The following SLCO3A1 variants were observed in gnomAD, a reference collection of about 807,000 sequenced individuals.
SLCO3A1 encodes the protein PGE1 transporter.
In SLCO3A1, 27 loss-of-function variants were observed where a neutral mutation model predicts 63.1. That is an observed-to-expected ratio of 0.43 (90% confidence interval 0.32 to 0.59). The LOEUF is 0.59. Ranked by LOEUF, SLCO3A1 falls within the 20% of genes least tolerant of loss-of-function variation. SLCO3A1 has a pLI of 0.09. For synonymous variants in SLCO3A1, 473 were observed against 409.9 expected (o/e 1.15, Z -1.86); for missense variants, 773 against 945.8 (o/e 0.82, Z 2.40).
In SLCO3A1 at chr15:91,900,560, C is replaced by T. The variant is rs550521441; in HGVS notation, c.181-15433C>T. ...GCCAGGCTTGTCTCAAACTGCTGAC[C>T]TCAGGTGATCCGCCCGCCTTGGCCT... On this transcript the variant is annotated intron_variant, in intron 1 of 9. Transcript: ENST00000318445. The surrounding 1 kb of genome is among the most constrained non-coding windows in gnomAD (Gnocchi z 4.3). 2.0e-5 allele frequency among the ~76,000 whole-genome samples: 3 copies of T among 152,272 alleles called. No homozygotes were observed. The highest frequency in any genetic ancestry group is 3.9e-4 in the East Asian group (2 of 5,184).
chr15:92,032,802 C>T (rs1383809975), intron 2 of SLCO3A1, among the ~76,000 whole-genome samples: 1 of 152,032 alleles, frequency 6.6e-6, no homozygotes, highest in Admixed American at 6.6e-5. Flanking sequence ...GGAAGCAGTA[C>T]TAAAAAGATT....
chr15:91,942,297 G>A lies in SLCO3A1; in HGVS notation c.646+25839G>A, dbSNP rs186404683. On this transcript the variant is annotated intron_variant, in intron 2 of 9. Coordinates refer to ENST00000318445, the MANE Select transcript of SLCO3A1 (RefSeq NM_013272.4). The surrounding 1 kb of genome is among the most constrained non-coding windows in gnomAD (Gnocchi z 4.1). ...TCTGATCTATAGCAGGCATTTCAGA[G>A]CCTCCAGGACTTGATTAGATATTGT... Among the ~76,000 whole-genome samples, 1 of 152,304 alleles carries A rather than the reference G, an allele frequency of 6.6e-6. No homozygotes were observed. Among genetic ancestry groups the A allele is most frequent in the African/African-American group, 2.4e-5 (1 of 41,568 alleles).
At chr15:91,960,200 CTCTCGA>C (rs1160274088) in intron 2 of SLCO3A1, among the ~76,000 whole-genome samples, 1 of 152,076 alleles carries the variant, frequency 6.6e-6, no homozygotes, top group Non-Finnish European at 1.5e-5. Context: ...AGCCAGGATG[CTCTCGA>C]TCTCCTGACC....
chr15:91,877,672 C>T (rs764348718), intron 1 of SLCO3A1, among the ~76,000 whole-genome samples: 54 of 152,010 alleles, frequency 3.6e-4, no homozygotes, highest in Non-Finnish European at 2.5e-4. Context: ...TAACTAACTC[C>T]CTTGGCTGGA....
intron 1 of SLCO3A1, among the ~76,000 whole-genome samples, chr15:91,913,926 C>G (rs1021172613): frequency 1.3e-5 from 2 of 152,182 alleles, no homozygotes; most frequent in Non-Finnish European, 2.9e-5. Context: ...CTTCTCCCCT[C>G]TCTCAATATG....
chr15:92,131,364 CTT>C (rs1176368440), intron 7 of SLCO3A1, among the ~76,000 whole-genome samples: 10 of 127,102 alleles, frequency 7.9e-5, no homozygotes, highest in Non-Finnish European at 8.3e-5. Context: ...CCTCCCACCT[CTT>C]TTTTTTTTTT....
chr15:92,142,127 C>T (rs2048141939), intron 7 of SLCO3A1, among the ~76,000 whole-genome samples: 1 of 152,226 alleles, frequency 6.6e-6, no homozygotes, highest in African/African-American at 2.4e-5. Context: ...AGAGATCCAT[C>T]CATTTCCAGC....
chr15:92,142,001 G>A (rs2048139836), intron 7 of SLCO3A1, among the ~76,000 whole-genome samples: 2 of 152,184 alleles, frequency 1.3e-5, no homozygotes, highest in South Asian at 4.1e-4. Context: ...GATGGAAAAG[G>A]AAACCCATCC....
At chr15:92,062,519 G>C (rs2047099150) in intron 2 of SLCO3A1, among the ~76,000 whole-genome samples, 1 of 152,192 alleles carries the variant, frequency 6.6e-6, no homozygotes, top group African/African-American at 2.4e-5. Flanking sequence ...GGTCAAGTTT[G>C]TGTCCTAGAG....
intron 2 of SLCO3A1, among the ~76,000 whole-genome samples, chr15:92,086,665 T>A (rs958822525): frequency 6.6e-6 from 1 of 152,160 alleles, no homozygotes. Flanking sequence ...ATAGCTAGTG[T>A]TTTTTAAGTT....
At chr15:91,914,791 C>T (rs1050973762) in intron 1 of SLCO3A1, among the ~76,000 whole-genome samples, 5 of 152,066 alleles carry the variant, frequency 3.3e-5, no homozygotes, top group African/African-American at 1.2e-4. Context: ...AGGCTGGTCT[C>T]GAACTCCTGG....
At chr15:92,087,520 T>TA (rs1233164030) in intron 2 of SLCO3A1, among the ~76,000 whole-genome samples, 245 of 149,492 alleles carry the variant, frequency 1.6e-3, no homozygotes, top group African/African-American at 5.8e-3. Flanking sequence ...TCTATTATTT[T>TA]TTTTTTTTTT....
At chr15:92,026,564 G>A (rs1218313484) in intron 2 of SLCO3A1, among the ~76,000 whole-genome samples, 2 of 152,154 alleles carry the variant, frequency 1.3e-5, no homozygotes, top group Non-Finnish European at 2.9e-5. Flanking sequence ...ATAGTCTAGG[G>A]GTCCCTAAGG....
intron 2 of SLCO3A1, among the ~76,000 whole-genome samples, chr15:92,066,063 A>T (rs1212707446): frequency 6.6e-6 from 1 of 152,226 alleles, no homozygotes; most frequent in African/African-American, 2.4e-5. Flanking sequence ...GCCACCCTCC[A>T]TCCTTCCTGT....
At chr15:91,997,626 A>C (rs982565963) in intron 2 of SLCO3A1, among the ~76,000 whole-genome samples, 3 of 152,246 alleles carry the variant, frequency 2.0e-5, no homozygotes, top group Non-Finnish European at 4.4e-5. Context: ...AAGACATAAT[A>C]ACCAAAATGA....
intron 1 of SLCO3A1, among the ~76,000 whole-genome samples, chr15:91,890,057 C>T (rs1442330055): frequency 6.6e-6 from 1 of 152,186 alleles, no homozygotes; most frequent in Non-Finnish European, 1.5e-5. Context: ...GGCATATCAG[C>T]ATGTATATTG....
intron 1 of SLCO3A1, among the ~76,000 whole-genome samples, chr15:91,914,384 T>A (rs1207335108): frequency 6.6e-6 from 1 of 151,902 alleles, no homozygotes; most frequent in Admixed American, 6.6e-5. Flanking sequence ...GCTGGGAGAG[T>A]TTGAGTAACA....
At chr15:91,952,935 G>A (rs1031746618) in intron 2 of SLCO3A1, among the ~76,000 whole-genome samples, 3 of 152,160 alleles carry the variant, frequency 2.0e-5, no homozygotes, top group African/African-American at 7.2e-5. Flanking sequence ...CCTTCACCTT[G>A]GTTGAGGAAG....
intron 2 of SLCO3A1, among the ~76,000 whole-genome samples, chr15:92,015,973 A>AT (rs2046421463): frequency 1.3e-5 from 2 of 152,192 alleles, no homozygotes; most frequent in African/African-American, 4.8e-5. Flanking sequence ...TCACCAAATG[A>AT]ATTGCAGAGA....
Sources: allele counts gnomAD v4.1 joint callset (sites outside exome capture counted in the v4.1 genomes callset), GRCh38; gene constraint gnomAD v4.1.1; non-coding constraint Gnocchi (gnomAD v3.1); transcripts MANE v1.5; gene names NCBI Gene and HGNC (gene_info 2026-07-23, HGNC 2026-07-21).